Variants in EDIL3 observed in about 807,000 individuals in gnomAD.
EDIL3 encodes the protein EGF like and discoidin domains 3, also known as EGF-like repeat and discoidin I-like domain-containing protein 3.
In EDIL3, 37 loss-of-function variants were observed where a neutral mutation model predicts 67.4. The observed-to-expected ratio is 0.55, with a 90% CI of 0.42 to 0.72. The LOEUF is 0.72. Ranked by LOEUF, EDIL3 falls within the 30% of genes least tolerant of loss-of-function variation. EDIL3 has a pLI of 0.00. For missense variants in EDIL3, 527 were observed against 586.3 expected, an observed-to-expected ratio of 0.90 and a Z score of 1.04; for synonymous variants, 195 against 196.3, an observed-to-expected ratio of 0.99 and a Z score of 0.05.
chr5:84,266,673 C>T (rs10514264), intron 1 of EDIL3, among the ~76,000 whole-genome samples: 2,502 of 152,248 alleles, frequency 0.016, 70 homozygotes, highest in African/African-American at 0.058. Flanking sequence ...TCTTGAACCA[C>T]TTGTATATAA....
At chr5:84,067,886 C>A (rs1746671911) in intron 6 of EDIL3, among the ~76,000 whole-genome samples, 1 of 152,150 alleles carries the variant, frequency 6.6e-6, no homozygotes, top group Non-Finnish European at 1.5e-5. Context: ...GGCCGATGGT[C>A]CCTTTTTTCC....
At chr5:84,064,392 G>T (rs1746596839) in intron 8 of EDIL3, among the ~76,000 whole-genome samples, 1 of 152,102 alleles carries the variant, frequency 6.6e-6, no homozygotes, top group Non-Finnish European at 1.5e-5. Flanking sequence ...ATAGATCACA[G>T]TTATTATGCA....
intron 1 of EDIL3, among the ~76,000 whole-genome samples, chr5:84,348,514 A>G (rs537835700): frequency 1.3e-5 from 2 of 152,080 alleles, no homozygotes; most frequent in African/African-American, 4.8e-5. Flanking sequence ...AAAAACCTTC[A>G]ATGAGTCTCA....
intron 9 of EDIL3, among the ~76,000 whole-genome samples, chr5:84,054,412 C>T (rs1746403420): frequency 1.3e-5 from 2 of 152,114 alleles, no homozygotes; most frequent in South Asian, 4.2e-4. Flanking sequence ...ACAGGGATGC[C>T]CTCTCTCACC....
intron 9 of EDIL3, among the ~76,000 whole-genome samples, chr5:84,005,033 A>C (rs1018671954): frequency 6.6e-6 from 1 of 152,156 alleles, no homozygotes; most frequent in Admixed American, 6.5e-5. Flanking sequence ...CAGAAATACT[A>C]AGAACCCTCA....
intron 1 of EDIL3, among the ~76,000 whole-genome samples, chr5:84,310,374 T>G (rs1746360317): frequency 6.6e-6 from 1 of 152,210 alleles, no homozygotes; most frequent in Non-Finnish European, 1.5e-5. Flanking sequence ...ATGTTAAGTT[T>G]CGAGCCCTGC....
chr5:84,056,237 C>T lies in EDIL3; in HGVS notation c.1137+4063G>A, dbSNP rs141220071. 2.0e-3 allele frequency among the ~76,000 whole-genome samples: 298 copies of T among 152,032 alleles called. 2 individuals carry two copies. The highest frequency in any genetic ancestry group is 3.1e-3 in the Non-Finnish European group (209 of 68,002). ...ATCGCAAGGACAAAAAACCAAACAC[C>T]GCATGTTCTCACTCATAGGTGGGAA... On this transcript the variant is annotated intron_variant, in intron 9 of 10. Coordinates refer to ENST00000296591, the MANE Select transcript of EDIL3 (RefSeq NM_005711.5).
intron 9 of EDIL3, among the ~76,000 whole-genome samples, chr5:84,054,880 CTGCCCAAGG>C (rs1746414553): frequency 7.5e-6 from 1 of 133,076 alleles, no homozygotes; most frequent in Non-Finnish European, 1.6e-5. Flanking sequence ...AATGGCCATA[CTGCCCAAGG>C]TAATTTATAG....
intron 1 of EDIL3, among the ~76,000 whole-genome samples, chr5:84,300,843 G>T (rs1005966153): frequency 1.8e-4 from 28 of 152,054 alleles, no homozygotes; most frequent in Non-Finnish European, 3.7e-4. Context: ...TGCAATATTT[G>T]TATACCATCA....
At chr5:84,073,224 A>C (rs1580312811) in intron 6 of EDIL3, among the ~76,000 whole-genome samples, 1 of 152,196 alleles carries the variant, frequency 6.6e-6, no homozygotes. Context: ...TCTATGACAA[A>C]CCCACAGCCA....
chr5:84,354,758 A>T lies in EDIL3; in HGVS notation c.67+29550T>A, dbSNP rs181608215. Among the ~76,000 whole-genome samples, 8 of 152,252 alleles carry T rather than the reference A, an allele frequency of 5.3e-5. No homozygotes were observed. In the East Asian group the frequency reaches 1.4e-3, roughly 26 times the overall value. On this transcript the variant is annotated intron_variant, in intron 1 of 10. Coordinates refer to ENST00000296591, the MANE Select transcript of EDIL3 (RefSeq NM_005711.5). ...TATGTATAACTGAAATATATTCAAG[A>T]TCTATGTACTATAAAATTCCATTTG...
chr5:84,021,861 A>G (rs1184993096), intron 9 of EDIL3, among the ~76,000 whole-genome samples: 3 of 152,008 alleles, frequency 2.0e-5, no homozygotes, highest in African/African-American at 7.2e-5. Context: ...GAAGAAATAG[A>G]AAACCTGCAC....
intron 1 of EDIL3, among the ~76,000 whole-genome samples, chr5:84,345,627 G>T (rs1035497818): frequency 6.6e-6 from 1 of 152,126 alleles, no homozygotes; most frequent in Non-Finnish European, 1.5e-5. Context: ...ACACAAGGTG[G>T]TTCAGAAAGA....
chr5:84,380,438 T>C (rs1251095712), intron 1 of EDIL3, among the ~76,000 whole-genome samples: 1 of 152,094 alleles, frequency 6.6e-6, no homozygotes, highest in Non-Finnish European at 1.5e-5. Context: ...ATTTGCAAAA[T>C]TTGCTATTTT....
At chr5:83,958,357 C>T (rs1156842267) in intron 10 of EDIL3, among the ~76,000 whole-genome samples, 1 of 151,450 alleles carries the variant, frequency 6.6e-6, no homozygotes, top group Non-Finnish European at 1.5e-5. Flanking sequence ...ATTATGGTAA[C>T]TACTGAATTA....
At chr5:84,333,403 C>T (rs12513922) in intron 1 of EDIL3, among the ~76,000 whole-genome samples, 53,794 of 151,858 alleles carry the variant, frequency 0.35, 10,824 homozygotes, top group South Asian at 0.49. Context: ...AAAAATAGTT[C>T]TGGGAAACTG....
intron 1 of EDIL3, among the ~76,000 whole-genome samples, chr5:84,275,759 C>T (rs1015586820): frequency 2.0e-5 from 3 of 152,144 alleles, no homozygotes; most frequent in African/African-American, 7.2e-5. Flanking sequence ...GAAAGGATTG[C>T]AACAAGTAGG....
In EDIL3 at chr5:84,069,330, G is replaced by C. The variant is rs191398402; in HGVS notation, c.652-2724C>G. On this transcript the variant is annotated intron_variant, in intron 6 of 10. Coordinates refer to ENST00000296591, the MANE Select transcript of EDIL3 (RefSeq NM_005711.5). ...AGAATGCTTAGAACATATGCTAAGG[G>C]TATGCAGAAGGGAGGAATGGACTAA... 1.7e-3 allele frequency among the ~76,000 whole-genome samples: 261 copies of C among 152,132 alleles called. 4 individuals are homozygous for C. The highest frequency in any genetic ancestry group is 9.7e-4 in the East Asian group (5 of 5,164).
intron 4 of EDIL3, among the ~76,000 whole-genome samples, chr5:84,176,181 A>AATATATATATATATATAATATAT (rs1259689253): frequency 1.2e-5 from 1 of 86,466 alleles, no homozygotes; most frequent in Non-Finnish European, 2.0e-5. Context: ...AGTGGTAAAA[A>AATATATATATATATATAATATAT]ATATATATAT....
Sources: gnomAD v4.1 joint callset for allele counts (sites outside exome capture counted in the v4.1 genomes callset) on GRCh38, gnomAD v4.1.1 for gene constraint, MANE v1.5 for transcripts, NCBI Gene and HGNC (gene_info 2026-07-23, HGNC 2026-07-21) for gene names.